The following LRRC69 variants were observed in gnomAD, a reference collection of about 807,000 sequenced individuals.
LRRC69 encodes leucine rich repeat containing 69.
Under a neutral mutation model 37.8 loss-of-function variants are expected in LRRC69, and 42 were observed. The observed-to-expected ratio is 1.11, with a 90% CI of 0.87 to 1.44. The LOEUF (loss-of-function observed/expected upper bound fraction) is 1.44, where lower values mean the gene tolerates loss of function less well. Among genes scored for constraint, LRRC69 ranks in the 40% most tolerant of loss-of-function variants. LRRC69 has a pLI of 0.00. For synonymous variants in LRRC69, 141 were observed against 143.1 expected (o/e 0.99, Z 0.11); for missense variants, 357 against 401.9 (o/e 0.89, Z 0.96).
intron 5 of LRRC69, among the ~76,000 whole-genome samples, chr8:91,177,651 A>G (rs1373823654): frequency 6.6e-6 from 1 of 152,138 alleles, no homozygotes; most frequent in Non-Finnish European, 1.5e-5. Context: ...TGGAATGTGG[A>G]AAATTTTCTT....
At chr8:91,191,030 T>G (rs955765491) in intron 6 of LRRC69, among the ~76,000 whole-genome samples, 4 of 131,092 alleles carry the variant, frequency 3.1e-5, no homozygotes, top group African/African-American at 8.9e-5. Flanking sequence ...CAGAGCAGGA[T>G]CCTGTCTCAA....
chr8:91,143,122 T>C (rs1392743516), intron 5 of LRRC69, among the ~76,000 whole-genome samples: 1 of 152,104 alleles, frequency 6.6e-6, no homozygotes, highest in African/African-American at 2.4e-5. Flanking sequence ...CGGACAAAAC[T>C]TCTTAAACAT....
chr8:91,187,010 G>A (rs1341888156), intron 5 of LRRC69, among the ~76,000 whole-genome samples: 1 of 152,198 alleles, frequency 6.6e-6, no homozygotes, highest in African/African-American at 2.4e-5. Context: ...TCATTGGACA[G>A]CCAAATATTT....
intron 5 of LRRC69, among the ~76,000 whole-genome samples, chr8:91,178,182 T>C (rs1414586425): frequency 6.6e-6 from 1 of 152,230 alleles, no homozygotes. Context: ...TCTTGTGCTT[T>C]ATGTTTATCG....
At chr8:91,213,292 G>A (rs1361931929) in intron 7 of LRRC69, among the ~76,000 whole-genome samples, 1 of 152,092 alleles carries the variant, frequency 6.6e-6, no homozygotes, top group Non-Finnish European at 1.5e-5. Context: ...ACCATATAAT[G>A]TGTCGTCTAA....
intron 2 of LRRC69, among the ~76,000 whole-genome samples, chr8:91,126,631 A>G (rs1022499857): frequency 7.2e-5 from 11 of 152,026 alleles, no homozygotes; most frequent in African/African-American, 2.4e-4. Flanking sequence ...TTCCCTGTCA[A>G]TGAACATTCA....
chr8:91,157,224 A>T (rs1251071323), intron 5 of LRRC69: 1 of 1,185,036 alleles, frequency 8.4e-7, no homozygotes. Flanking sequence ...TCACTTTAAC[A>T]TTATGAATTC....
Position 91,154,537 on chromosome 8 carries a change from G to A in LRRC69, c.651+18798G>A, listed in dbSNP as rs113064565. Among the ~76,000 whole-genome samples, 52 of 151,776 alleles carry A rather than the reference G, an allele frequency of 3.4e-4. No individual in the cohort carries two copies. The Middle Eastern group carries it at 0.01, about 30-fold the overall frequency. ...CAAAGTTTATCCACCATGGTCAAGT[G>A]GTCTTCATTCATGGGATGCAAGGCT... On this transcript the variant is annotated intron_variant, in intron 5 of 7. Coordinates refer to ENST00000448384, the Ensembl canonical transcript of LRRC69.
intron 7 of LRRC69, among the ~76,000 whole-genome samples, chr8:91,216,610 T>C (rs945483886): frequency 6.6e-6 from 1 of 152,128 alleles, no homozygotes; most frequent in Non-Finnish European, 1.5e-5. Context: ...CAGGATTAAC[T>C]GGTTGGGTGA....
intron 3 of LRRC69, among the ~76,000 whole-genome samples, chr8:91,129,095 A>G (rs1813765280): frequency 6.6e-6 from 1 of 152,086 alleles, no homozygotes; most frequent in Admixed American, 6.6e-5. Context: ...ATATCAGTTC[A>G]TGGACTTGGA....
chr8:91,171,928 T>A (rs1415809708), intron 5 of LRRC69, among the ~76,000 whole-genome samples: 1 of 146,698 alleles, frequency 6.8e-6, no homozygotes, highest in East Asian at 2.0e-4. Flanking sequence ...TGTGAGGGCA[T>A]GTATCCACAT....
chr8:91,201,233 T>C (rs1252287213), intron 7 of LRRC69, among the ~76,000 whole-genome samples: 1 of 152,212 alleles, frequency 6.6e-6, no homozygotes, highest in African/African-American at 2.4e-5. Flanking sequence ...TGCAACATTA[T>C]GTTACCCAGG....
chr8:91,186,013 CT>C (rs1334245535), intron 5 of LRRC69, among the ~76,000 whole-genome samples: 1 of 152,182 alleles, frequency 6.6e-6, no homozygotes, highest in African/African-American at 2.4e-5. Context: ...AACAGAAGGA[CT>C]TGCTAAATTT....
intron 5 of LRRC69, among the ~76,000 whole-genome samples, chr8:91,141,639 T>C: frequency 6.6e-6 from 1 of 152,166 alleles, no homozygotes; most frequent in East Asian, 1.9e-4. Context: ...GTATAGAAAC[T>C]TTGGAATTTG....
intron 5 of LRRC69, among the ~76,000 whole-genome samples, chr8:91,179,762 G>A (rs7007966): frequency 0.68 from 102,905 of 152,078 alleles, 35,277 homozygotes; most frequent in African/African-American, 0.74. Context: ...TGTATTAAAC[G>A]TATGCTAGAT....
chr8:91,145,361 G>A (rs1464363262), intron 5 of LRRC69, among the ~76,000 whole-genome samples: 1 of 151,920 alleles, frequency 6.6e-6, no homozygotes, highest in Non-Finnish European at 1.5e-5. Flanking sequence ...AGAAATTCCA[G>A]TTGGCTGCCT....
At chr8:91,136,036 CT>C (rs1015076844) in intron 5 of LRRC69, among the ~76,000 whole-genome samples, 1 of 151,858 alleles carries the variant, frequency 6.6e-6, no homozygotes, top group Non-Finnish European at 1.5e-5. Flanking sequence ...TCACCTCTGG[CT>C]TTTTGAAAAT....
At chr8:91,155,897 T>C (rs1052405096) in intron 5 of LRRC69, among the ~76,000 whole-genome samples, 41 of 147,870 alleles carry the variant, frequency 2.8e-4, no homozygotes, top group African/African-American at 7.9e-4. Flanking sequence ...CATATATATA[T>C]ACAACATATA....
At chr8:91,206,797 CA>C in intron 7 of LRRC69, 1 of 1,289,612 alleles carries the variant, frequency 7.8e-7, no homozygotes, top group Non-Finnish European at 1.0e-6. Context: ...AATTAATGTC[CA>C]AAATAACCCC....
Sources: allele counts gnomAD v4.1 joint callset (sites outside exome capture counted in the v4.1 genomes callset), GRCh38; gene constraint gnomAD v4.1.1; transcripts MANE v1.5; gene names NCBI Gene and HGNC (gene_info 2026-07-23, HGNC 2026-07-21).